Variants in LMF1 observed in about 807,000 individuals in gnomAD.
LMF1 encodes transmembrane protein 112.
In LMF1, 68 loss-of-function variants were observed where a neutral mutation model predicts 60.6. The observed-to-expected ratio is 1.12, with a 90% CI of 0.92 to 1.37. LMF1 has a LOEUF of 1.37. LMF1 is among the 40% of genes most tolerant of loss of function. LMF1 has a pLI of 0.00. For synonymous variants in LMF1, 418 were observed against 324.7 expected (o/e 1.29, Z -3.09); for missense variants, 948 against 767.2 (o/e 1.24, Z -2.78).
In LMF1 at chr16:867,612, C is replaced by A. The variant is rs570873900; in HGVS notation, c.1529+1332G>T. 1.3e-5 allele frequency among the ~76,000 whole-genome samples: 2 copies of A among 152,326 alleles called. 1 individual carries two copies. Among genetic ancestry groups the A allele is most frequent in the African/African-American group, 4.8e-5 (2 of 41,584 alleles). ...TCAGGCTCCCAGGGCTGCTGGTGGC[C>A]ACGTGGCAGGCAAGTCACCTGGAGC... is the stretch of plus-strand genomic sequence containing the variant. On this transcript the variant is annotated intron_variant, in intron 10 of 10. Transcript: ENST00000262301.
chr16:966,265 G>A (rs917821257), intron 1 of LMF1, among the ~76,000 whole-genome samples: 38 of 152,182 alleles, frequency 2.5e-4, no homozygotes, highest in African/African-American at 8.7e-4. Flanking sequence ...AAGCAGTGCA[G>A]GTGGACATCT....
At chr16:899,215 T>C (rs906548094) in intron 4 of LMF1, 2 of 152,070 alleles carry the variant, frequency 1.3e-5, no homozygotes, top group African/African-American at 4.8e-5. Context: ...ACGCCGGAGG[T>C]CGGAGGCACA....
intron 1 of LMF1, among the ~76,000 whole-genome samples, chr16:965,263 C>T (rs969250119): frequency 1.1e-4 from 17 of 151,982 alleles, no homozygotes; most frequent in Non-Finnish European, 1.5e-4. Flanking sequence ...TTTCAGCCCA[C>T]GCTACGAAGC....
intron 3 of LMF1, among the ~76,000 whole-genome samples, chr16:928,031 C>T (rs1319134141): frequency 6.6e-6 from 1 of 152,188 alleles, no homozygotes; most frequent in Non-Finnish European, 1.5e-5. Context: ...GGAAAGCCTC[C>T]GAATGTAGCG....
intron 3 of LMF1, among the ~76,000 whole-genome samples, chr16:911,607 G>T (rs1295303556): frequency 3.0e-4 from 10 of 33,180 alleles, no homozygotes; most frequent in African/African-American, 1.1e-3. Flanking sequence ...GGCAGCACTG[G>T]GGGGGCAGCA....
intron 2 of LMF1, among the ~76,000 whole-genome samples, chr16:936,931 T>C (rs762030064): frequency 3.9e-5 from 6 of 152,112 alleles, no homozygotes; most frequent in Non-Finnish European, 5.9e-5. Context: ...CGCGCTACTA[T>C]TGCACTCCAG....
At chr16:922,589 C>G (rs2071463717) in intron 3 of LMF1, among the ~76,000 whole-genome samples, 1 of 148,472 alleles carries the variant, frequency 6.7e-6, no homozygotes, top group South Asian at 2.2e-4. Flanking sequence ...CTGAAAGTCG[C>G]CTCGGTTTTC....
At chr16:942,323 C>G (rs891694221) in intron 2 of LMF1, among the ~76,000 whole-genome samples, 2 of 152,222 alleles carry the variant, frequency 1.3e-5, no homozygotes, top group Non-Finnish European at 2.9e-5. Context: ...CAGGTGCTAT[C>G]TTTGTCTTTG....
intron 2 of LMF1, among the ~76,000 whole-genome samples, chr16:938,578 G>T (rs4984724): frequency 0.48 from 72,281 of 152,038 alleles, 18,828 homozygotes; most frequent in African/African-American, 0.69. Context: ...ATAACAAGAG[G>T]TGTCTTTGCA....
chr16:934,437 A>C, intron 2 of LMF1, 183 bp from the exon 3 acceptor site: 1 of 673,174 alleles, frequency 1.5e-6, no homozygotes, highest in South Asian at 1.8e-5. Flanking sequence ...CGGCTCACAC[A>C]CAGGCAGGCC....
chr16:894,335 T>C (rs1440762676), intron 4 of LMF1, among the ~76,000 whole-genome samples: 7 of 60,746 alleles, frequency 1.2e-4, no homozygotes, highest in South Asian at 5.2e-4. Flanking sequence ...CCCGTCCCCC[T>C]GTCCACCGGA....
chr16:898,941 G>A (rs993569329), intron 4 of LMF1: 1 of 152,236 alleles, frequency 6.6e-6, no homozygotes, highest in Non-Finnish European at 1.5e-5. Flanking sequence ...GGTAAGCACA[G>A]GGGCTGGTTC....
chr16:978,197 A>G (rs1372652137), intron 1 of LMF1, among the ~76,000 whole-genome samples: 1 of 148,788 alleles, frequency 6.7e-6, no homozygotes, highest in Non-Finnish European at 1.5e-5. Flanking sequence ...ACACACATAC[A>G]TCACACACAT....
upstream of LMF1, among the ~76,000 whole-genome samples, chr16:974,009 CAAAAAAA>C (rs34433197): frequency 1.2e-5 from 1 of 85,806 alleles, no homozygotes; most frequent in Non-Finnish European, 2.5e-5. Context: ...GACTCTGTCT[CAAAAAAA>C]AAAAAAAAAA....
intron 2 of LMF1, among the ~76,000 whole-genome samples, chr16:952,137 C>T (rs1307851887): frequency 1.3e-5 from 2 of 152,182 alleles, no homozygotes; most frequent in African/African-American, 4.8e-5. Flanking sequence ...TCCTGCCCTG[C>T]CCTGGTGACA....
intron 3 of LMF1, among the ~76,000 whole-genome samples, chr16:916,486 T>G (rs2071281650): frequency 6.6e-6 from 1 of 152,232 alleles, no homozygotes; most frequent in South Asian, 2.1e-4. Flanking sequence ...GAAATAGCAC[T>G]GCAAATCTTA....
chr16:878,747 G>GGGTCAGGGGC lies in LMF1; in HGVS notation c.897+822_897+823insGCCCCTGACC, dbSNP rs2070071091. ...GGGTGGGCAGGGCAGGGGAAGGGCG[G>GGGTCAGGGGC]GGGCAGGGGCGGGCAGGGCAGGGGA... On this transcript the variant is annotated intron_variant, in intron 6 of 10. Coordinates refer to ENST00000262301, the MANE Select transcript of LMF1 (RefSeq NM_022773.4). The surrounding 1 kb of genome is among the most constrained non-coding windows in gnomAD (Gnocchi z 5.2). Among the ~76,000 whole-genome samples the GGGTCAGGGGC allele has an allele frequency of 7.0e-6, 1 of 142,868 alleles. No homozygotes were observed. The highest frequency in any genetic ancestry group is 6.9e-5 in the Admixed American group (1 of 14,408). The allele number at this position is 142,868 out of a possible 152,430, so 93.7% of individuals were successfully genotyped here. A position where few individuals can be genotyped will look rare whatever the true frequency, so the allele number is the denominator to read the frequency against.
intron 6 of LMF1, among the ~76,000 whole-genome samples, chr16:877,912 TA>T (rs2070040349): frequency 6.6e-6 from 1 of 151,964 alleles, no homozygotes. Context: ...AAGTGTGACT[TA>T]AAAGGGCACC....
chr16:954,550 A>T lies in LMF1; in HGVS notation c.310T>A (p.Trp104Arg). 6.2e-7 allele frequency: 1 copy of T among 1,613,316 alleles called. No individual in the cohort carries two copies. Among genetic ancestry groups the T allele is most frequent in the South Asian group, 1.1e-5 (1 of 91,042 alleles). The change falls in exon 2 of 11, where the codon TGG becomes AGG. Residue 104 changes from tryptophan to arginine, a missense_variant. Coordinates refer to ENST00000262301, the MANE Select transcript of LMF1 (RefSeq NM_022773.4). The part of the protein sequence containing the change: ...FQQYFQDRTS[W>R]EVFSYMPTIL... ...GTGGGCATGTAGCTGAAGACTTCCC[A>T]GCTCGTCCTGTCCTGGAAGTACTGC...
Sources: gnomAD v4.1 joint callset for allele counts (sites outside exome capture counted in the v4.1 genomes callset) on GRCh38, gnomAD v4.1.1 for gene constraint, Gnocchi (gnomAD v3.1) non-coding constraint, MANE v1.5 for transcripts, NCBI Gene and HGNC (gene_info 2026-07-23, HGNC 2026-07-21) for gene names.